The following UGT2A1 variants were observed in gnomAD, a reference collection of about 807,000 sequenced individuals.
UGT2A1 encodes the protein UDP glucuronosyltransferase family 2 member A1 complex locus.
In UGT2A1, 61 loss-of-function variants were observed where a neutral mutation model predicts 45.4. The ratio of observed to expected loss-of-function variants is 1.34; its 90% CI spans 1.09 to 1.66. The LOEUF is 1.66. Among genes scored for constraint, UGT2A1 ranks in the 40% most tolerant of loss-of-function variants. The pLI, the probability that UGT2A1 is intolerant of heterozygous loss-of-function variation, is 0.00. For missense variants in UGT2A1, 649 were observed against 574.3 expected (o/e 1.13, Z -1.33); for synonymous variants, 229 against 196.2 (o/e 1.17, Z -1.40).
At chr4:69,630,091 A>T (rs1391289468) in intron 3 of UGT2A1, among the ~76,000 whole-genome samples, 1 of 152,056 alleles carries the variant, frequency 6.6e-6, no homozygotes, top group African/African-American at 2.4e-5. Flanking sequence ...TGTAATTAAG[A>T]TTATATTAAA....
rs1721659228 is a variant in UGT2A1, at chr4:69,635,828, C to CAAAAAAAAAAAGAAA, written c.716-7_716-6insTTTCTTTTTTTTTTT. 1 of 49,134 alleles carries CAAAAAAAAAAAGAAA rather than the reference C, an allele frequency of 2.0e-5. No individual in the cohort carries two copies. The highest frequency in any genetic ancestry group is 3.9e-5 in the Non-Finnish European group (1 of 25,476). The allele number at this position is 49,134 out of a possible 1,614,324, so 3.0% of individuals were successfully genotyped here. A position where few individuals can be genotyped will look rare whatever the true frequency, so the allele number is the denominator to read the frequency against. On this transcript the variant is annotated splice_region_variant and splice_polypyrimidine_tract_variant and intron_variant, in intron 2 of 6. Transcript: ENST00000286604. ...GCAACAGAGTAAGAGTCCACCTCAC[C>CAAAAAAAAAAAGAAA]AAAAAAAAAAAAAAAAAAAAAAGAG...
chr4:69,627,119 G>T (rs1721104632), intron 3 of UGT2A1, among the ~76,000 whole-genome samples: 1 of 151,678 alleles, frequency 6.6e-6, no homozygotes, highest in South Asian at 2.1e-4. Context: ...AAATATATTT[G>T]CACATACTGA....
In UGT2A1 at chr4:69,599,292, T is replaced by C; in HGVS notation, c.950A>G (p.Glu317Gly). 1.2e-6 allele frequency: 2 copies of C among 1,613,808 alleles called. No homozygotes were observed. The highest frequency in any genetic ancestry group is 1.7e-6 in the Non-Finnish European group (2 of 1,179,904). ...EFPRPYLPNFEFVGGLHCKPA... is the reference protein window; with the variant it reads ...EFPRPYLPNFGFVGGLHCKPA... ...TTTGCAGTGCAATCCTCCAACAAAC[T>C]CAAAATTAGGTAAGTATGGACGAGG... The change falls in exon 4 of 7, where the codon GAG becomes GGG. Residue 317 changes from glutamate (E) to glycine (G), a missense_variant. By Grantham distance (98) the Glu-to-Gly change is moderately conservative. Transcript: ENST00000286604.
In UGT2A1 at chr4:69,647,038, G is replaced by T. The variant is rs747248663; in HGVS notation, c.607C>A (p.Gln203Lys). 3 of 1,612,816 alleles carry T rather than the reference G, an allele frequency of 1.9e-6. No individual in the cohort carries two copies. The highest frequency in any genetic ancestry group is 1.7e-6 in the Non-Finnish European group (2 of 1,179,220). Residue 203 changes from glutamine to lysine, a missense_variant, in exon 2 of 7, where the codon CAA becomes AAA. By Grantham distance (53) the Gln-to-Lys change is moderately conservative (BLOSUM62 1). Coordinates refer to ENST00000286604, the MANE Select transcript of UGT2A1 (RefSeq NM_001252275.3). ...VPAVLSELTD[Q>K]MSFTDRIRNF... ...CTTATTCTGTCAGTGAAAGACATTT[G>T]GTCGGTGAGTTCTGATAAAACAGCA...
chr4:69,653,133 A>G (rs1241300029), intron 1 of UGT2A1, 55 bp downstream of exon 1: 2 of 152,214 alleles, frequency 1.3e-5, no homozygotes, highest in Non-Finnish European at 2.9e-5. Context: ...AGAATGGAAA[A>G]TAAATTAAAA....
intron 2 of UGT2A1, among the ~76,000 whole-genome samples, chr4:69,645,907 T>C (rs75495938): frequency 0.12 from 18,513 of 151,842 alleles, 1,540 homozygotes; most frequent in Non-Finnish European, 0.18. Context: ...TCTTCAACTT[T>C]GAGCACACTT....
chr4:69,594,556 C>T lies in UGT2A1; in HGVS notation c.1225G>A (p.Ala409Thr). The T allele has an allele frequency of 6.2e-7, 1 of 1,614,146 alleles. No individual in the cohort carries two copies. The highest frequency in any genetic ancestry group is 8.5e-7 in the Non-Finnish European group (1 of 1,180,036). ...GTGTTTAGGTTCACTTCCACAGCTG[C>T]TCCTTTGGCCTTCATGTGAGCAATG... ...DNIAHMKAKG[A>T]AVEVNLNTMT... The change falls in exon 6 of 7, where the codon GCA (alanine) becomes ACA (threonine). Residue 409 changes from alanine (A) to threonine (T), a missense_variant. Ala to Thr is a moderately conservative substitution (Grantham distance 58). Coordinates refer to ENST00000286604, the MANE Select transcript of UGT2A1 (RefSeq NM_001252275.3).
Position 69,647,449 on chromosome 4 carries a change from T to G in UGT2A1, c.196A>C (p.Asn66His), listed in dbSNP as rs753990442. 1 of 1,613,066 alleles carries G rather than the reference T, an allele frequency of 6.2e-7. No individual in the cohort carries two copies. Among genetic ancestry groups the G allele is most frequent in the South Asian group, 1.1e-5 (1 of 90,976 alleles). ...SGALFITPTS[N>H]PSLTFEIYKV... Reference sequence around the variant, plus strand: ...TATATTTCAAATGTCAGAGATGGGTTAGAGGTTGGTGTGATGAAAAGTGCA... The same window carrying G: ...TATATTTCAAATGTCAGAGATGGGTGAGAGGTTGGTGTGATGAAAAGTGCA... Residue 66 changes from asparagine to histidine, a missense_variant, in exon 2 of 7, where the codon AAC (asparagine) becomes CAC (histidine). Asn to His is a moderately conservative substitution (Grantham distance 68). Transcript: ENST00000286604.
chr4:69,639,662 T>TG, intron 2 of UGT2A1: 3 of 1,522,850 alleles, frequency 2.0e-6, no homozygotes, highest in Non-Finnish European at 1.8e-6. Context: ...TCCTTCAAGA[T>TG]GAAAAAAAAA....
chr4:69,616,237 T>TG (rs1396101943), intron 3 of UGT2A1, among the ~76,000 whole-genome samples: 1 of 151,418 alleles, frequency 6.6e-6, no homozygotes, highest in Non-Finnish European at 1.5e-5. Flanking sequence ...GGAAAGGTCT[T>TG]GGGGGGTGGG....
chr4:69,591,588 T>C (rs1228483174), intron 6 of UGT2A1, among the ~76,000 whole-genome samples: 2 of 152,124 alleles, frequency 1.3e-5, no homozygotes, highest in Non-Finnish European at 1.5e-5. Context: ...CAGAGAGGTA[T>C]ACTAAGGCAT....
At chr4:69,624,594 AT>A (rs888519279) in intron 3 of UGT2A1, among the ~76,000 whole-genome samples, 24 of 149,738 alleles carry the variant, frequency 1.6e-4, no homozygotes, top group South Asian at 6.3e-4. Flanking sequence ...ATCCTAGTTG[AT>A]TTTTTTTAGC....
At chr4:69,607,233 G>T (rs1271028541) in intron 3 of UGT2A1, among the ~76,000 whole-genome samples, 1 of 140,968 alleles carries the variant, frequency 7.1e-6, no homozygotes, top group African/African-American at 2.7e-5. Flanking sequence ...AAAGACCAAT[G>T]GAACAGAACA....
chr4:69,626,830 T>G (rs771791499), intron 3 of UGT2A1, among the ~76,000 whole-genome samples: 22 of 151,858 alleles, frequency 1.4e-4, no homozygotes, highest in Non-Finnish European at 3.1e-4. Flanking sequence ...AATTATTTAT[T>G]TTGCTTCTCA....
chr4:69,592,859 T>C (rs547785858), intron 6 of UGT2A1, among the ~76,000 whole-genome samples: 52 of 152,222 alleles, frequency 3.4e-4, no homozygotes, highest in African/African-American at 1.3e-3. Flanking sequence ...TTATCTTAGA[T>C]TAACATTGTT....
At chr4:69,599,577 G>A in intron 3 of UGT2A1, 183 bp from the exon 4 acceptor site, 1 of 860,876 alleles carries the variant, frequency 1.2e-6, no homozygotes, top group African/African-American at 1.8e-5. Flanking sequence ...AGAAAGGAAG[G>A]AGGAAGGAAG....
intron 3 of UGT2A1, among the ~76,000 whole-genome samples, chr4:69,621,078 G>C (rs565660529): frequency 2.0e-5 from 3 of 151,808 alleles, no homozygotes; most frequent in African/African-American, 7.3e-5. Flanking sequence ...TACTATCCTG[G>C]ACATAGAAAA....
intron 1 of UGT2A1, among the ~76,000 whole-genome samples, chr4:69,649,486 C>A (rs1195490568): frequency 6.6e-6 from 1 of 152,002 alleles, no homozygotes; most frequent in Non-Finnish European, 1.5e-5. Context: ...CAGTTTTAGA[C>A]AACTAAAATA....
At chr4:69,631,956 A>G (rs1179890782) in intron 3 of UGT2A1, among the ~76,000 whole-genome samples, 1 of 152,236 alleles carries the variant, frequency 6.6e-6, no homozygotes, top group African/African-American at 2.4e-5. Flanking sequence ...AAATAATATC[A>G]TTAAAATGAC....
Sources: allele counts gnomAD v4.1 joint callset (sites outside exome capture counted in the v4.1 genomes callset), GRCh38; gene constraint gnomAD v4.1.1; transcripts MANE v1.5; gene names NCBI Gene and HGNC (gene_info 2026-07-23, HGNC 2026-07-21).